CDH23: variants seen among roughly 807,000 people sequenced by gnomAD.
CDH23 encodes cadherin-23.
In CDH23, 189 loss-of-function variants were observed where a neutral mutation model predicts 317.1. The ratio of observed to expected loss-of-function variants is 0.60; its 90% confidence interval spans 0.53 to 0.67. CDH23 has a LOEUF of 0.67. Among genes scored for constraint, CDH23 ranks in the 30% least tolerant of loss-of-function variants. The pLI, the probability that CDH23 is intolerant of heterozygous loss-of-function variation, is 0.00. For synonymous variants in CDH23, 1,839 were observed against 1,876.8 expected (o/e 0.98, Z 0.52); for missense variants, 4,401 against 4,592.4 (o/e 0.96, Z 1.20).
At chr10:71,567,995 C>T (rs1404765937) in intron 7 of CDH23, among the ~76,000 whole-genome samples, 5 of 152,240 alleles carry the variant, frequency 3.3e-5, no homozygotes, top group African/African-American at 1.2e-4. Context: ...TGGTAGGTCA[C>T]AGGCTCTAGA....
intron 6 of CDH23, among the ~76,000 whole-genome samples, chr10:71,523,006 C>G (rs984584281): frequency 8.5e-5 from 13 of 152,156 alleles, no homozygotes; most frequent in Admixed American, 6.5e-4. Context: ...TGTCTGCCCC[C>G]CAAAGCAAGC....
At chr10:71,530,017 A>G (rs1855270051) in intron 6 of CDH23, among the ~76,000 whole-genome samples, 1 of 140,324 alleles carries the variant, frequency 7.1e-6, no homozygotes, top group Admixed American at 7.2e-5. Context: ...AGGCATTTGC[A>G]CACATACACA....
At position 71,815,261 on chromosome 10, in the gene CDH23, G is replaced by A; in HGVS notation, c.10048G>A (p.Glu3350Lys). The A allele has an allele frequency of 6.4e-7, 1 of 1,574,526 alleles. No homozygotes were observed. Among genetic ancestry groups the A allele is most frequent in the Middle Eastern group, 1.7e-4 (1 of 5,898 alleles). The change falls in exon 70 of 70, where the codon GAG becomes AAG. Residue 3350 changes from glutamate to lysine, a missense_variant. Physicochemically the swap from Glu to Lys is moderately conservative, Grantham distance 56. This residue lies in a region of CDH23 where 1,144 missense variants were observed against 1,138.2 expected (regional missense o/e 1.01). Coordinates refer to ENST00000224721, the MANE Select transcript of CDH23 (RefSeq NM_022124.6). ...LRDVIMETPLEITEL is the reference protein window; with the variant it reads ...LRDVIMETPLKITEL ...CGACGTGATCATGGAGACCCCCCTG[G>A]AGATCACAGAGCTGTGACTAGACAG...
chr10:71,728,785 C>T (rs1362769346), intron 30 of CDH23, among the ~76,000 whole-genome samples: 3 of 152,266 alleles, frequency 2.0e-5, no homozygotes, highest in East Asian at 1.9e-4. Flanking sequence ...GAGCTAAAAG[C>T]TAAAAACTCC....
chr10:71,674,591 C>T lies in CDH23; in HGVS notation c.1450-521C>T, dbSNP rs192003230. On this transcript the variant is annotated intron_variant, in intron 14 of 69. Coordinates refer to ENST00000224721, the MANE Select transcript of CDH23 (RefSeq NM_022124.6). ...GAAGTACTGCATGGATTATGTACAA[C>T]CTCTTCACCCTCACAACAGCCCTGT... Among the ~76,000 whole-genome samples the T allele has an allele frequency of 4.4e-3, 675 of 152,258 alleles. 10 individuals are homozygous for T. The highest frequency in any genetic ancestry group is 0.016 in the African/African-American group (658 of 41,522).
intron 44 of CDH23, among the ~76,000 whole-genome samples, chr10:71,786,421 A>G (rs547460104): frequency 1.3e-5 from 2 of 151,078 alleles, no homozygotes; most frequent in South Asian, 2.1e-4. Flanking sequence ...TAGCCAGAGG[A>G]GACGTCAGGC....
intron 6 of CDH23, among the ~76,000 whole-genome samples, chr10:71,530,312 C>T (rs1056879315): frequency 2.6e-5 from 4 of 152,316 alleles, no homozygotes; most frequent in African/African-American, 4.8e-5. Flanking sequence ...CCACCTTTCC[C>T]GGCTCTGTCT....
chr10:71,427,246 G>GAAAGAAAGA (rs1193969874), intron 1 of CDH23, among the ~76,000 whole-genome samples: 3 of 17,318 alleles, frequency 1.7e-4, no homozygotes, highest in Non-Finnish European at 3.2e-4. Context: ...AGAAAGAAAG[G>GAAAGAAAGA]GAAAGAAAGA....
chr10:71,761,190 A>G (rs544899889), intron 38 of CDH23, among the ~76,000 whole-genome samples: 1 of 152,178 alleles, frequency 6.6e-6, no homozygotes, highest in African/African-American at 2.4e-5. Flanking sequence ...TTGCACTCTC[A>G]CCTGAACAGA....
At chr10:71,778,878 C>T (rs186450038) in intron 40 of CDH23, among the ~76,000 whole-genome samples, 6 of 152,298 alleles carry the variant, frequency 3.9e-5, no homozygotes, top group Admixed American at 6.5e-5. Flanking sequence ...CCACCTCAGC[C>T]TCCCAAGTAG....
intron 16 of CDH23, among the ~76,000 whole-genome samples, 155 bp from the exon 17 acceptor site, chr10:71,679,232 C>T (rs1864505686): frequency 6.6e-6 from 1 of 152,190 alleles, no homozygotes; most frequent in Non-Finnish European, 1.5e-5. Flanking sequence ...AGGGGTGCCT[C>T]CTGGCGTCCT....
chr10:71,739,229 T>A (rs1479630732), intron 35 of CDH23, among the ~76,000 whole-genome samples: 1 of 152,224 alleles, frequency 6.6e-6, no homozygotes, highest in African/African-American at 2.4e-5. Flanking sequence ...GGTTGTTCCA[T>A]GTTTCTGAGC....
At chr10:71,543,552 A>T (rs1472180198) in intron 6 of CDH23, among the ~76,000 whole-genome samples, 1 of 152,258 alleles carries the variant, frequency 6.6e-6, no homozygotes, top group African/African-American at 2.4e-5. Flanking sequence ...GATTCTGGTT[A>T]TAACAGTGCA....
chr10:71,486,909 G>A (rs1319674304), intron 3 of CDH23, among the ~76,000 whole-genome samples: 1 of 152,152 alleles, frequency 6.6e-6, no homozygotes, highest in Non-Finnish European at 1.5e-5. Flanking sequence ...GCCCTGGGGA[G>A]GGGCTGATCC....
At chr10:71,553,643 G>A (rs1856722503) in intron 6 of CDH23, among the ~76,000 whole-genome samples, 2 of 152,242 alleles carry the variant, frequency 1.3e-5, no homozygotes. Context: ...TGCTGGAGCT[G>A]TCTTCTTATT....
chr10:71,791,039 T>G, intron 46 of CDH23, 93 bp from the exon 47 acceptor site: 1 of 980,610 alleles, frequency 1.0e-6, no homozygotes, highest in Admixed American at 2.1e-5. Context: ...GGTGCCCCTG[T>G]CTTTCTCTGC....
intron 6 of CDH23, among the ~76,000 whole-genome samples, chr10:71,531,119 T>C (rs577521166): frequency 3.2e-4 from 49 of 152,290 alleles, no homozygotes; most frequent in African/African-American, 1.2e-3. Context: ...TGGGATAGGG[T>C]CTATGACAGT....
At chr10:71,725,169 G>A (rs907825732) in intron 29 of CDH23, among the ~76,000 whole-genome samples, 1 of 152,182 alleles carries the variant, frequency 6.6e-6, no homozygotes, top group Non-Finnish European at 1.5e-5. Context: ...CAGGTGAAAC[G>A]CATTGGGGAT....
rs771882137 is a variant in CDH23, at chr10:71,739,787, C to T, written c.4488+15C>T. 1.2e-6 allele frequency: 2 copies of T among 1,600,346 alleles called. No homozygotes were observed. Among genetic ancestry groups the T allele is most frequent in the East Asian group, 2.2e-5 (1 of 44,632 alleles). Reference sequence around the variant, plus strand: ...ACATCCTCCAGGTGGGGCCTGGCCTCCCTTGGACTGAGAGACCACTGGCTA... The same window carrying T: ...ACATCCTCCAGGTGGGGCCTGGCCTTCCTTGGACTGAGAGACCACTGGCTA... On this transcript the variant is annotated intron_variant, in intron 36 of 69. Transcript: ENST00000224721.
Sources: allele counts gnomAD v4.1 joint callset (sites outside exome capture counted in the v4.1 genomes callset), GRCh38; gene constraint gnomAD v4.1.1; regional missense constraint gnomAD v4.1.1; transcripts MANE v1.5; gene names NCBI Gene and HGNC (gene_info 2026-07-23, HGNC 2026-07-21).